CBLB: variants seen among roughly 807,000 people sequenced by gnomAD.
CBLB encodes the protein E3 ubiquitin-protein ligase CBL-B.
CBLB carries 31 observed loss-of-function variants against 104.9 expected under a neutral mutation model. That is an observed-to-expected ratio of 0.30 (90% CI 0.22 to 0.40). The LOEUF (loss-of-function observed/expected upper bound fraction) is 0.40, where lower values mean the gene tolerates loss of function less well. Among genes scored for constraint, CBLB ranks in the 10% least tolerant of loss-of-function variants. The probability of loss-of-function intolerance (pLI) is 1.00; values close to 1 mark genes in which losing one functional copy is unlikely to be tolerated. For missense variants in CBLB, 1,062 were observed against 1,214.6 expected (o/e 0.87, Z 1.87); for synonymous variants, 440 against 422.6 (o/e 1.04, Z -0.51).
intron 13 of CBLB, among the ~76,000 whole-genome samples, chr3:105,690,216 G>T (rs578172702): frequency 5.3e-5 from 8 of 152,274 alleles, no homozygotes; most frequent in Middle Eastern, 3.4e-3. Context: ...GTGTATGTTT[G>T]GTAGGAATGC....
intron 3 of CBLB, among the ~76,000 whole-genome samples, chr3:105,789,938 T>C (rs1406771385): frequency 1.3e-5 from 2 of 152,180 alleles, no homozygotes; most frequent in Admixed American, 1.3e-4. Flanking sequence ...TGACCTTTCA[T>C]TACAATACTT....
chr3:105,678,598 G>A (rs188279188), intron 16 of CBLB, 27 bp from the exon 17 acceptor site: 49 of 1,603,956 alleles, frequency 3.1e-5, no homozygotes, highest in Non-Finnish European at 1.6e-5. Context: ...GTCGATATCA[G>A]CAGCAGAACT....
intron 2 of CBLB, among the ~76,000 whole-genome samples, chr3:105,860,381 A>AG (rs2153142744): frequency 6.6e-6 from 1 of 152,288 alleles, no homozygotes; most frequent in East Asian, 1.9e-4. Context: ...GAAGTGGAGG[A>AG]GGGGAAATGC....
intron 3 of CBLB, among the ~76,000 whole-genome samples, chr3:105,780,660 GTTTTTTT>G (rs58640968): frequency 1.1e-5 from 1 of 94,036 alleles, no homozygotes; most frequent in East Asian, 3.5e-4. Context: ...TTTGTTTTTT[GTTTTTTT>G]TTTTTTTTTT....
intron 4 of CBLB, chr3:105,762,214 G>A (rs1196555446): frequency 6.6e-6 from 1 of 152,186 alleles, no homozygotes; most frequent in African/African-American, 2.4e-5. Context: ...TTAAAGTTCA[G>A]AAAATTTGCA....
intron 18 of CBLB, among the ~76,000 whole-genome samples, chr3:105,659,599 A>C: frequency 6.6e-6 from 1 of 152,194 alleles, no homozygotes; most frequent in African/African-American, 2.4e-5. Context: ...ACTCTACTAC[A>C]GCACAGGCTC....
intron 3 of CBLB, among the ~76,000 whole-genome samples, chr3:105,804,478 T>G (rs12635805): frequency 0.98 from 147,424 of 151,078 alleles, 72,042 homozygotes; most frequent in East Asian, 1. Context: ...CCAAGATCGC[T>G]CCACTGCACT....
At chr3:105,659,805 C>T (rs992710052) in intron 18 of CBLB, among the ~76,000 whole-genome samples, 14 of 151,954 alleles carry the variant, frequency 9.2e-5, no homozygotes, top group African/African-American at 3.4e-4. Flanking sequence ...CTGTGCCTTA[C>T]TGATGCTAGG....
At chr3:105,771,240 T>C (rs1338858412) in intron 4 of CBLB, among the ~76,000 whole-genome samples, 3 of 152,124 alleles carry the variant, frequency 2.0e-5, no homozygotes, top group Non-Finnish European at 4.4e-5. Flanking sequence ...TTAACATATG[T>C]AAGTTAATAA....
intron 17 of CBLB, chr3:105,671,665 T>C (rs1215685551): frequency 4.9e-6 from 1 of 204,832 alleles, no homozygotes; most frequent in Non-Finnish European, 1.0e-5. Context: ...AAATATTGAC[T>C]ATTTTTATAT....
At chr3:105,669,211 T>A (rs779884468) in intron 18 of CBLB, among the ~76,000 whole-genome samples, 2 of 152,150 alleles carry the variant, frequency 1.3e-5, no homozygotes, top group African/African-American at 2.4e-5. Flanking sequence ...CAAATCCATA[T>A]GTTAAAACCT....
intron 12 of CBLB, among the ~76,000 whole-genome samples, chr3:105,693,985 C>T (rs2068032356): frequency 6.6e-6 from 1 of 151,676 alleles, no homozygotes; most frequent in Admixed American, 6.6e-5. Context: ...TAATTCCTTC[C>T]AAATTAAAGT....
chr3:105,740,394 T>G (rs1576765928), intron 7 of CBLB, 100 bp downstream of exon 7: 1 of 1,233,876 alleles, frequency 8.1e-7, no homozygotes, highest in East Asian at 2.3e-5. Flanking sequence ...AGTCTTAACA[T>G]AAAAAGCAGC....
chr3:105,775,843 T>A (rs1029009365), intron 4 of CBLB, among the ~76,000 whole-genome samples: 10 of 152,214 alleles, frequency 6.6e-5, no homozygotes, highest in Non-Finnish European at 1.0e-4. Flanking sequence ...CATATCTTGT[T>A]CACACATATA....
chr3:105,770,136 C>T (rs2078693320), intron 4 of CBLB, among the ~76,000 whole-genome samples: 1 of 151,268 alleles, frequency 6.6e-6, no homozygotes, highest in Admixed American at 6.6e-5. Context: ...CATGCTTCTC[C>T]CACTTGGAAG....
intron 10 of CBLB, among the ~76,000 whole-genome samples, chr3:105,718,289 T>C (rs1327545798): frequency 1.3e-5 from 2 of 152,142 alleles, no homozygotes; most frequent in Non-Finnish European, 2.9e-5. Flanking sequence ...ATAACATTTA[T>C]GAAAAACCAA....
chr3:105,807,648 A>G (rs1301049478), intron 3 of CBLB, among the ~76,000 whole-genome samples: 1 of 152,156 alleles, frequency 6.6e-6, no homozygotes, highest in Non-Finnish European at 1.5e-5. Flanking sequence ...GGCACAAAAC[A>G]TAATGAGAAT....
At chr3:105,833,656 G>T in intron 3 of CBLB, among the ~76,000 whole-genome samples, 1 of 151,502 alleles carries the variant, frequency 6.6e-6, no homozygotes, top group East Asian at 1.9e-4. Flanking sequence ...TCACATTCTT[G>T]GGTATATTCC....
intron 3 of CBLB, among the ~76,000 whole-genome samples, chr3:105,800,220 G>A (rs935701344): frequency 3.3e-5 from 5 of 152,230 alleles, no homozygotes; most frequent in South Asian, 2.1e-4. Context: ...TATTAAATCC[G>A]CATGTGCAGA....
Sources: allele counts gnomAD v4.1 joint callset (sites outside exome capture counted in the v4.1 genomes callset), GRCh38; gene constraint gnomAD v4.1.1; transcripts MANE v1.5; gene names NCBI Gene and HGNC (gene_info 2026-07-23, HGNC 2026-07-21).